The following ZHX3 variants were observed in gnomAD, a reference collection of about 807,000 sequenced individuals.
ZHX3 encodes the protein zinc fingers and homeoboxes protein 3.
In ZHX3, 20 loss-of-function variants were observed where a neutral mutation model predicts 64.5. That is an observed-to-expected ratio of 0.31 (90% CI 0.22 to 0.45). The LOEUF (loss-of-function observed/expected upper bound fraction) is 0.45, where lower values mean the gene tolerates loss of function less well. Among genes scored for constraint, ZHX3 ranks in the 20% least tolerant of loss-of-function variants. The probability of loss-of-function intolerance (pLI) is 1.00; values close to 1 mark genes in which losing one functional copy is unlikely to be tolerated. For missense variants in ZHX3, 1,041 were observed against 1,195.8 expected (o/e 0.87, Z 1.91); for synonymous variants, 423 against 461.6 (o/e 0.92, Z 1.07).
chr20:41,212,573 G>A lies in ZHX3; in HGVS notation c.-150-7507C>T, dbSNP rs532570007. Among the ~76,000 whole-genome samples the A allele has an allele frequency of 7.8e-4, 118 of 152,146 alleles. 2 individuals carry two copies. Among genetic ancestry groups the A allele is most frequent in the African/African-American group, 2.8e-3 (115 of 41,506 alleles). ...AGCACTTTGGGAGGCCAAGGCGGGCGGATCACCAGAGGTCAGGAGTTCAAG... is the reference window on the plus strand; with the variant it reads ...AGCACTTTGGGAGGCCAAGGCGGGCAGATCACCAGAGGTCAGGAGTTCAAG... On this transcript the variant is annotated intron_variant, in intron 2 of 3. Coordinates refer to ENST00000683867, the MANE Select transcript of ZHX3 (RefSeq NM_001384317.1). This position sits in a 1 kb window ranked among gnomAD's most constrained non-coding sequence, Gnocchi z 4.3.
chr20:41,306,993 G>T (rs2044999480), intron 1 of ZHX3, among the ~76,000 whole-genome samples: 1 of 152,156 alleles, frequency 6.6e-6, no homozygotes, highest in Non-Finnish European at 1.5e-5. Flanking sequence ...ACCTACCATG[G>T]CAAGAAATGG....
chr20:41,298,947 T>A (rs79009553), intron 1 of ZHX3, among the ~76,000 whole-genome samples: 3,606 of 146,516 alleles, frequency 0.025, 153 homozygotes, highest in African/African-American at 0.092. Context: ...ACTGTTCTTG[T>A]GCTAACCAAG....
chr20:41,181,747 T>G lies in ZHX3; in HGVS notation c.*3444A>C, dbSNP rs999862285. 4.6e-5 allele frequency: 7 copies of G among 152,192 alleles called. No homozygotes were observed. The highest frequency in any genetic ancestry group is 1.7e-4 in the African/African-American group (7 of 41,430). The allele number at this position is 152,192 out of a possible 1,614,324, so 9.4% of individuals were successfully genotyped here. A position where few individuals can be genotyped will look rare whatever the true frequency, so the allele number is the denominator to read the frequency against. ...CATCTCAGGCTACGGAATAGAGAGA[T>G]TTCCTGGTGGGACGGCCTCCCAAGG... On this transcript the variant is annotated 3_prime_UTR_variant, in exon 4 of 4. Transcript: ENST00000683867.
intron 3 of ZHX3, chr20:41,196,817 C>A: frequency 5.9e-6 from 1 of 169,134 alleles, no homozygotes. Context: ...ACACATCACC[C>A]ACCTTCCTGT....
At chr20:41,269,914 C>T (rs2043047443) in intron 1 of ZHX3, among the ~76,000 whole-genome samples, 1 of 151,298 alleles carries the variant, frequency 6.6e-6, no homozygotes, top group South Asian at 2.1e-4. Context: ...ACCCAAGTGG[C>T]TTAACTTCTT....
intron 2 of ZHX3, among the ~76,000 whole-genome samples, chr20:41,220,841 G>A (rs1041884957): frequency 1.3e-5 from 2 of 151,470 alleles, no homozygotes; most frequent in Non-Finnish European, 2.9e-5. Context: ...TTACAGATGC[G>A]TGCCACCATG....
At chr20:41,223,674 T>C (rs1600831789) in intron 2 of ZHX3, among the ~76,000 whole-genome samples, 1 of 152,252 alleles carries the variant, frequency 6.6e-6, no homozygotes, top group East Asian at 1.9e-4. Context: ...AGGGAAGCTT[T>C]TCCCTGTAGC....
intron 3 of ZHX3, among the ~76,000 whole-genome samples, chr20:41,196,450 TAA>T (rs1491176483): frequency 1.8e-4 from 3 of 16,966 alleles, no homozygotes; most frequent in Middle Eastern, 0.045. Flanking sequence ...ATATTATATA[TAA>T]TATATTTATA....
At chr20:41,247,140 G>A (rs944296266) in intron 2 of ZHX3, among the ~76,000 whole-genome samples, 1 of 152,018 alleles carries the variant, frequency 6.6e-6, no homozygotes, top group African/African-American at 2.4e-5. Flanking sequence ...TGCGCCTCAT[G>A]CCTGCAGTTC....
intron 2 of ZHX3, among the ~76,000 whole-genome samples, chr20:41,214,310 A>T (rs1364230417): frequency 6.6e-6 from 1 of 152,122 alleles, no homozygotes; most frequent in Non-Finnish European, 1.5e-5. Flanking sequence ...ACCCAAGAAA[A>T]GGCACTATAA....
chr20:41,259,477 C>G (rs1239851094), intron 2 of ZHX3, among the ~76,000 whole-genome samples: 1 of 152,142 alleles, frequency 6.6e-6, no homozygotes, highest in Non-Finnish European at 1.5e-5. Context: ...TTTAAACATC[C>G]ACCAACAGGG....
At chr20:41,243,003 A>G (rs547516441) in intron 2 of ZHX3, among the ~76,000 whole-genome samples, 2 of 152,262 alleles carry the variant, frequency 1.3e-5, no homozygotes, top group South Asian at 4.2e-4. Context: ...GTCTAAGTGG[A>G]TGTGGTGTCC....
intron 2 of ZHX3, among the ~76,000 whole-genome samples, chr20:41,253,018 C>G (rs919940910): frequency 6.6e-6 from 1 of 152,152 alleles, no homozygotes; most frequent in African/African-American, 2.4e-5. Flanking sequence ...GGAATCCCAT[C>G]TCTAGGGCCA....
intron 1 of ZHX3, among the ~76,000 whole-genome samples, chr20:41,288,893 T>G (rs531686269): frequency 1.3e-5 from 2 of 152,240 alleles, no homozygotes; most frequent in Non-Finnish European, 2.9e-5. Context: ...TGTTTTGCAA[T>G]TATTTAATAC....
At chr20:41,197,187 T>TTA (rs920279045) in intron 3 of ZHX3, 12 of 155,594 alleles carry the variant, frequency 7.7e-5, no homozygotes, top group East Asian at 1.9e-4. Context: ...TAATTCTAAA[T>TTA]TATATATATA....
chr20:41,190,149 A>G (rs545549428), intron 3 of ZHX3, among the ~76,000 whole-genome samples: 1 of 152,158 alleles, frequency 6.6e-6, no homozygotes, highest in Non-Finnish European at 1.5e-5. Context: ...TCCTTGCATT[A>G]TAATTTTTTG....
intron 2 of ZHX3, among the ~76,000 whole-genome samples, chr20:41,268,332 T>G (rs1301204815): frequency 6.7e-6 from 1 of 149,128 alleles, no homozygotes; most frequent in Non-Finnish European, 1.5e-5. Context: ...GGCATATCTA[T>G]TTCATCAAAT....
chr20:41,274,349 T>G (rs183241867), intron 1 of ZHX3, among the ~76,000 whole-genome samples: 340 of 152,328 alleles, frequency 2.2e-3, no homozygotes, highest in Non-Finnish European at 3.9e-3. Flanking sequence ...GAACTCTTTT[T>G]CATGTAGTTC....
chr20:41,309,034 G>A (rs542562499), intron 1 of ZHX3, among the ~76,000 whole-genome samples: 5 of 151,888 alleles, frequency 3.3e-5, no homozygotes, highest in African/African-American at 9.7e-5. Context: ...ATCAGTTGAT[G>A]TATTCAGAGA....
Sources: allele counts gnomAD v4.1 joint callset (sites outside exome capture counted in the v4.1 genomes callset), GRCh38; gene constraint gnomAD v4.1.1; non-coding constraint Gnocchi (gnomAD v3.1); transcripts MANE v1.5; gene names NCBI Gene and HGNC (gene_info 2026-07-23, HGNC 2026-07-21).